PTPRN2: variants seen among roughly 807,000 people sequenced by gnomAD.
PTPRN2 encodes protein tyrosine phosphatase receptor type N2.
PTPRN2 carries 74 observed loss-of-function variants against 118.8 expected under a neutral mutation model. The ratio of observed to expected loss-of-function variants is 0.62; its 90% confidence interval spans 0.52 to 0.76. The LOEUF is 0.76. PTPRN2 is among the 30% of genes least tolerant of loss of function. The pLI is 0.00. For missense variants in PTPRN2, 1,481 were observed against 1,394.4 expected (o/e 1.06, Z -0.99); for synonymous variants, 641 against 608.0 (o/e 1.05, Z -0.80).
intron 3 of PTPRN2, among the ~76,000 whole-genome samples, chr7:158,260,322 A>G (rs1797314271): frequency 6.6e-6 from 1 of 152,218 alleles, no homozygotes; most frequent in Non-Finnish European, 1.5e-5. Context: ...GTGCCTGCAA[A>G]AACACCTTCT....
intron 9 of PTPRN2, among the ~76,000 whole-genome samples, chr7:158,126,983 T>A (rs1450788976): frequency 6.6e-6 from 1 of 152,176 alleles, no homozygotes; most frequent in East Asian, 1.9e-4. Flanking sequence ...GGTGGCCCGG[T>A]ACCATCTGCC....
At chr7:158,149,051 C>A (rs1820568893) in intron 6 of PTPRN2, among the ~76,000 whole-genome samples, 1 of 136,830 alleles carries the variant, frequency 7.3e-6, no homozygotes, top group Non-Finnish European at 1.6e-5. Flanking sequence ...TCACTGACAC[C>A]CCATCTCATG....
At position 158,526,503 on chromosome 7, in the gene PTPRN2, A is replaced by C. The variant is rs1156603408; in HGVS notation, c.113-36718T>G. On this transcript the variant is annotated intron_variant, in intron 1 of 22. Coordinates refer to ENST00000389418, the MANE Select transcript of PTPRN2 (RefSeq NM_002847.5). This position sits in a 1 kb window ranked among gnomAD's most constrained non-coding sequence, Gnocchi z 5.2. ...CCGACATGCTGGACTGTGGCTTGGG[A>C]AACTGACTCGGTTGTTCTCCATTCC... is the stretch of plus-strand genomic sequence containing the variant. 6.6e-6 allele frequency among the ~76,000 whole-genome samples: 1 copy of C among 150,732 alleles called. No homozygotes were observed. The highest frequency in any genetic ancestry group is 1.9e-4 in the East Asian group (1 of 5,178).
intron 13 of PTPRN2, among the ~76,000 whole-genome samples, chr7:157,681,008 C>A (rs548393777): frequency 5.3e-5 from 8 of 151,438 alleles, no homozygotes; most frequent in African/African-American, 1.9e-4. Flanking sequence ...ATTTTAATTA[C>A]AGATACTATT....
intron 21 of PTPRN2, among the ~76,000 whole-genome samples, chr7:157,557,480 T>C (rs531750265): frequency 2.9e-4 from 43 of 147,842 alleles, no homozygotes; most frequent in African/African-American, 9.5e-4. Flanking sequence ...TGCACACACC[T>C]ATGTGCATGC....
rs112290031 is a variant in PTPRN2, at chr7:158,121,739, G to A, written c.1557-10824C>T. ...AAGCCCAGAATGTGTTTGTGAACCC[G>A]CTGCCTCCACAAGCCAAGGTGTCCC... On this transcript the variant is annotated intron_variant, in intron 9 of 22. Transcript: ENST00000389418. Among the ~76,000 whole-genome samples, 968 of 152,258 alleles carry A rather than the reference G, an allele frequency of 6.4e-3. 9 individuals carry two copies. The highest frequency in any genetic ancestry group is 0.021 in the African/African-American group (868 of 41,550).
In PTPRN2 at chr7:158,489,790, G is replaced by A. The variant is rs772095595; in HGVS notation, c.113-5C>T. ...GGCCCTCCTCGAGCAGGCAGCCTGC[G>A]GGGAAACAGAGAAGAGACGCGGTCA... On this transcript the variant is annotated splice_region_variant and splice_polypyrimidine_tract_variant and intron_variant, in intron 1 of 22. Transcript: ENST00000389418. 7.6e-6 allele frequency: 12 copies of A among 1,568,684 alleles called. No individual in the cohort carries two copies. In the Admixed American group the frequency reaches 1.5e-4, roughly 19 times the overall value.
intron 15 of PTPRN2, among the ~76,000 whole-genome samples, chr7:157,612,365 C>G (rs1802409491): frequency 6.6e-6 from 1 of 152,314 alleles, no homozygotes; most frequent in East Asian, 1.9e-4. Context: ...ACACTGATGA[C>G]GAATCTCGTC....
intron 9 of PTPRN2, 35 bp downstream of exon 9, chr7:158,133,642 C>G (rs764463962): frequency 6.6e-7 from 1 of 1,524,382 alleles, no homozygotes; most frequent in Non-Finnish European, 8.8e-7. Context: ...AGCCCTCCCT[C>G]GGCACACAGG....
intron 17 of PTPRN2, among the ~76,000 whole-genome samples, chr7:157,582,524 G>A (rs1286631405): frequency 6.6e-6 from 1 of 152,176 alleles, no homozygotes; most frequent in African/African-American, 2.4e-5. Context: ...GGATGTGGAA[G>A]AGACGGAACC....
At chr7:157,805,649 G>A (rs1196165874) in intron 12 of PTPRN2, among the ~76,000 whole-genome samples, 4 of 152,198 alleles carry the variant, frequency 2.6e-5, no homozygotes, top group South Asian at 4.1e-4. Context: ...CCAGTTAAGC[G>A]GTGGGGGCAG....
Position 158,150,760 on chromosome 7 carries a change from G to A in PTPRN2, c.911-12245C>T, listed in dbSNP as rs141911018. ...TCTCTTCTTTCCTGGTCTGTGAGAC[G>A]CTGCGTATCTGCAGCACCGCGACCC... On this transcript the variant is annotated intron_variant, in intron 6 of 22. Coordinates refer to ENST00000389418, the MANE Select transcript of PTPRN2 (RefSeq NM_002847.5). Among the ~76,000 whole-genome samples, 339 of 151,916 alleles carry A rather than the reference G, an allele frequency of 2.2e-3. 1 individual carries two copies. In the Middle Eastern group the frequency reaches 0.034, roughly 15 times the overall value.
At chr7:158,285,281 G>C (rs1799695342) in intron 3 of PTPRN2, among the ~76,000 whole-genome samples, 1 of 152,180 alleles carries the variant, frequency 6.6e-6, no homozygotes, top group African/African-American at 2.4e-5. Context: ...GGGATCCTGT[G>C]CTATGTAGGG....
intron 12 of PTPRN2, among the ~76,000 whole-genome samples, chr7:157,781,902 G>A (rs754693360): frequency 1.3e-5 from 2 of 152,196 alleles, no homozygotes; most frequent in Non-Finnish European, 2.9e-5. Context: ...GGGCTTTCAG[G>A]GGTGGATGTG....
At chr7:158,008,492 C>CGGA in intron 11 of PTPRN2, among the ~76,000 whole-genome samples, 1 of 152,342 alleles carries the variant, frequency 6.6e-6, no homozygotes, top group Middle Eastern at 3.4e-3. Context: ...GCTTACACGG[C>CGGA]GGAAACACCC....
intron 11 of PTPRN2, among the ~76,000 whole-genome samples, chr7:158,066,714 C>T (rs528684440): frequency 6.6e-6 from 1 of 152,066 alleles, no homozygotes; most frequent in South Asian, 2.1e-4. Context: ...ACATCCTTAC[C>T]CAGATTGTAT....
chr7:158,507,203 G>C (rs1822813179), intron 1 of PTPRN2, among the ~76,000 whole-genome samples: 1 of 152,226 alleles, frequency 6.6e-6, no homozygotes, highest in Non-Finnish European at 1.5e-5. Context: ...CCGTCCAGGG[G>C]ACAGCCCTGC....
chr7:158,033,678 C>G (rs975366602), intron 11 of PTPRN2, among the ~76,000 whole-genome samples: 1 of 152,194 alleles, frequency 6.6e-6, no homozygotes, highest in African/African-American at 2.4e-5. Context: ...ATGCTGAGGC[C>G]CAGGTGAGCA....
intron 12 of PTPRN2, 146 bp from the exon 13 acceptor site, chr7:157,683,083 C>T (rs1297283994): frequency 3.9e-5 from 26 of 675,256 alleles, no homozygotes; most frequent in Admixed American, 1.0e-4. Context: ...GAGGGCCCTG[C>T]GGAACAACCC....
Sources: gnomAD v4.1 joint callset for allele counts (sites outside exome capture counted in the v4.1 genomes callset) on GRCh38, gnomAD v4.1.1 for gene constraint, Gnocchi (gnomAD v3.1) non-coding constraint, MANE v1.5 for transcripts, NCBI Gene and HGNC (gene_info 2026-07-23, HGNC 2026-07-21) for gene names.